The following KCNH7 variants were observed in gnomAD, a reference collection of about 807,000 sequenced individuals.
The protein encoded by KCNH7 is voltage-gated inwardly rectifying potassium channel KCNH7.
KCNH7 carries 49 observed loss-of-function variants against 120.8 expected under a neutral mutation model. That is an observed-to-expected ratio of 0.41 (90% CI 0.32 to 0.51). KCNH7 has a LOEUF of 0.51. KCNH7 is among the 20% of genes least tolerant of loss of function. The pLI is 0.38. For synonymous variants in KCNH7, 547 were observed against 516.1 expected, an observed-to-expected ratio of 1.06 and a Z score of -0.81; for missense variants, 1,097 against 1,446.6, an observed-to-expected ratio of 0.76 and a Z score of 3.92.
intron 2 of KCNH7, among the ~76,000 whole-genome samples, chr2:162,730,023 G>T (rs1687670238): frequency 6.6e-6 from 1 of 151,494 alleles, no homozygotes; most frequent in Non-Finnish European, 1.5e-5. Flanking sequence ...ATTTGAACAG[G>T]TTGATCTTAA....
chr2:162,557,766 G>T (rs969754142), intron 2 of KCNH7, among the ~76,000 whole-genome samples: 1 of 152,004 alleles, frequency 6.6e-6, no homozygotes, highest in Non-Finnish European at 1.5e-5. Context: ...TGCGGAATAC[G>T]CTACTTTACA....
chr2:162,667,123 G>A (rs780683857), intron 2 of KCNH7, among the ~76,000 whole-genome samples: 3 of 149,736 alleles, frequency 2.0e-5, no homozygotes, highest in South Asian at 2.1e-4. Flanking sequence ...GGGCTCAAGC[G>A]ATCTTCAAAC....
chr2:162,381,077 G>T (rs1413990157), intron 13 of KCNH7, among the ~76,000 whole-genome samples: 1 of 152,052 alleles, frequency 6.6e-6, no homozygotes, highest in African/African-American at 2.4e-5. Context: ...AACTGGAGCT[G>T]GGAGTTGACT....
At chr2:162,511,981 G>A (rs1691095479) in intron 5 of KCNH7, among the ~76,000 whole-genome samples, 1 of 151,684 alleles carries the variant, frequency 6.6e-6, no homozygotes, top group Admixed American at 6.6e-5. Context: ...TATCTACTAT[G>A]ATATAGTAGA....
chr2:162,619,126 A>G (rs1344415913), intron 2 of KCNH7, among the ~76,000 whole-genome samples: 1 of 152,006 alleles, frequency 6.6e-6, no homozygotes, highest in East Asian at 1.9e-4. Flanking sequence ...CTTTTCATCA[A>G]TTGTGTGTCA....
intron 2 of KCNH7, among the ~76,000 whole-genome samples, chr2:162,564,911 A>G (rs1453782838): frequency 1.3e-5 from 2 of 152,144 alleles, no homozygotes; most frequent in Non-Finnish European, 2.9e-5. Flanking sequence ...CACTTGGTTA[A>G]AAATAACTCT....
At chr2:162,470,200 G>A (rs1437580927) in intron 6 of KCNH7, among the ~76,000 whole-genome samples, 1 of 151,102 alleles carries the variant, frequency 6.6e-6, no homozygotes, top group Non-Finnish European at 1.5e-5. Flanking sequence ...CCTCTGCCTG[G>A]CTGCCCAGTC....
At chr2:162,559,937 G>T (rs901303) in intron 2 of KCNH7, among the ~76,000 whole-genome samples, 1 of 151,962 alleles carries the variant, frequency 6.6e-6, no homozygotes, top group African/African-American at 2.4e-5. Flanking sequence ...GTAACAAAAC[G>T]GGGTAGAACA....
intron 3 of KCNH7, among the ~76,000 whole-genome samples, chr2:162,533,728 T>C (rs751454506): frequency 6.6e-6 from 1 of 151,680 alleles, no homozygotes; most frequent in Non-Finnish European, 1.5e-5. Context: ...ATTCTAACAG[T>C]AGAAGACTTT....
At chr2:162,621,743 A>G (rs987772251) in intron 2 of KCNH7, among the ~76,000 whole-genome samples, 5 of 152,162 alleles carry the variant, frequency 3.3e-5, no homozygotes, top group Admixed American at 3.3e-4. Flanking sequence ...AACTTTTTAT[A>G]TAACACCTTG....
At chr2:162,398,719 T>G (rs1390217150) in intron 10 of KCNH7, among the ~76,000 whole-genome samples, 2 of 151,922 alleles carry the variant, frequency 1.3e-5, no homozygotes, top group Non-Finnish European at 2.9e-5. Context: ...TACCTTCTTG[T>G]AGAAGCTAGG....
At chr2:162,824,865 G>A (rs1324986470) in intron 2 of KCNH7, among the ~76,000 whole-genome samples, 1 of 151,788 alleles carries the variant, frequency 6.6e-6, no homozygotes, top group Non-Finnish European at 1.5e-5. Context: ...TAGAGAGAGA[G>A]GGAGAGAGTA....
At chr2:162,638,610 C>G (rs1326894750) in intron 2 of KCNH7, among the ~76,000 whole-genome samples, 2 of 151,940 alleles carry the variant, frequency 1.3e-5, no homozygotes, top group African/African-American at 2.4e-5. Flanking sequence ...TCGAAAGAAG[C>G]GTGATTAAAT....
chr2:162,750,846 T>C (rs932880145), intron 2 of KCNH7, among the ~76,000 whole-genome samples: 2 of 152,194 alleles, frequency 1.3e-5, no homozygotes, highest in South Asian at 4.1e-4. Flanking sequence ...TCAATATTTA[T>C]ATGGAAAATA....
chr2:162,596,667 C>A (rs1694391507), intron 2 of KCNH7, among the ~76,000 whole-genome samples: 1 of 151,908 alleles, frequency 6.6e-6, no homozygotes, highest in East Asian at 1.9e-4. Flanking sequence ...ACATAAGACC[C>A]CAAAAACACA....
At position 162,600,076 on chromosome 2, in the gene KCNH7, G is replaced by A. The variant is rs73026688; in HGVS notation, c.308-62996C>T. Among the ~76,000 whole-genome samples, 356 of 152,190 alleles carry A rather than the reference G, an allele frequency of 2.3e-3. 1 individual carries two copies. Among genetic ancestry groups the A allele is most frequent in the African/African-American group, 8.2e-3 (341 of 41,550 alleles). On this transcript the variant is annotated intron_variant, in intron 2 of 15. Transcript: ENST00000332142. ...GTCTTTCAAGGTGCTCACCCATCCTGATGATGTGATGTACTTGGCAAACTT... is the reference window on the plus strand; with the variant it reads ...GTCTTTCAAGGTGCTCACCCATCCTAATGATGTGATGTACTTGGCAAACTT...
intron 8 of KCNH7, among the ~76,000 whole-genome samples, chr2:162,434,409 A>G (rs1041710555): frequency 6.6e-6 from 1 of 152,114 alleles, no homozygotes. Flanking sequence ...TTTTTAAAAT[A>G]CGGTGAAAAA....
chr2:162,758,173 T>C (rs1314160779), intron 2 of KCNH7, among the ~76,000 whole-genome samples: 2 of 152,170 alleles, frequency 1.3e-5, no homozygotes, highest in Non-Finnish European at 2.9e-5. Context: ...TTAATTAGTG[T>C]GTTCTAGGAA....
intron 2 of KCNH7, among the ~76,000 whole-genome samples, chr2:162,608,374 T>C (rs531855314): frequency 2.0e-5 from 3 of 152,288 alleles, no homozygotes; most frequent in Admixed American, 6.5e-5. Context: ...CTCTGGGGTG[T>C]AACCTGGGCA....
Sources: gnomAD v4.1 joint callset for allele counts (sites outside exome capture counted in the v4.1 genomes callset) on GRCh38, gnomAD v4.1.1 for gene constraint, MANE v1.5 for transcripts, NCBI Gene and HGNC (gene_info 2026-07-23, HGNC 2026-07-21) for gene names.